CEP63: variants seen among roughly 807,000 people sequenced by gnomAD.
CEP63 encodes the protein centrosomal protein 63, also known as centrosomal protein of 63 kDa.
In CEP63, 84 loss-of-function variants were observed where a neutral mutation model predicts 89.1. The observed-to-expected ratio is 0.94, with a 90% CI of 0.79 to 1.13. The LOEUF (loss-of-function observed/expected upper bound fraction) is 1.13. CEP63 is among the 50% of genes most tolerant of loss of function. The pLI is 0.00. For missense variants in CEP63, 838 were observed against 813.3 expected (o/e 1.03, Z -0.37); for synonymous variants, 267 against 272.5 (o/e 0.98, Z 0.20).
chr3:134,727,438 G>A, the CEP63 span, among the ~76,000 whole-genome samples: 1 of 152,182 alleles, frequency 6.6e-6, no homozygotes, highest in African/African-American at 2.4e-5. Context: ...CCAGATCTGG[G>A]TGACTTTGAC....
chr3:134,734,250 A>G, the CEP63 span, among the ~76,000 whole-genome samples: 1 of 152,220 alleles, frequency 6.6e-6, no homozygotes, highest in East Asian at 1.9e-4. Flanking sequence ...GTGAATGGTT[A>G]AACATACTGT....
chr3:134,655,582 A>G, the CEP63 span, among the ~76,000 whole-genome samples: 2 of 152,114 alleles, frequency 1.3e-5, no homozygotes, highest in African/African-American at 4.8e-5. Context: ...AGCAGGGGAC[A>G]CCCAACCCTT....
intron 1 of CEP63, among the ~76,000 whole-genome samples, chr3:134,487,487 T>A (rs1425472065): frequency 6.6e-6 from 1 of 152,220 alleles, no homozygotes; most frequent in African/African-American, 2.4e-5. Flanking sequence ...GACCTTTGCT[T>A]AGTCCTTTCT....
chr3:134,500,658 T>C (rs1374290797), intron 2 of CEP63, among the ~76,000 whole-genome samples: 1 of 152,148 alleles, frequency 6.6e-6, no homozygotes, highest in African/African-American at 2.4e-5. Flanking sequence ...GTATCTCATT[T>C]TGGTTTTGAT....
rs551976358 is a variant in CEP63, at chr3:134,559,308, C to T, written c.1832C>T (p.Ser611Phe). 122 of 1,614,170 alleles carry T rather than the reference C, an allele frequency of 7.6e-5. 2 individuals are homozygous for T. Among genetic ancestry groups the T allele is most frequent in the South Asian group, 7.1e-4 (65 of 91,080 alleles). Residue 611 changes from serine (S) to phenylalanine (F), a missense_variant, in exon 14 of 15, where the codon TCT becomes TTT. Ser to Phe is a radical substitution (Grantham distance 155). Coordinates refer to ENST00000675561, the MANE Select transcript of CEP63 (RefSeq NM_001353108.3). ...PQISPCSSTRSLTSYSLCKTH... is the reference protein window; with the variant it reads ...PQISPCSSTRFLTSYSLCKTH... ...ATCAGCCCTTGCAGCTCCACCAGGT[C>T]TTTGACTTCCTACTCTCTATGTAAA... is the stretch of plus-strand genomic sequence containing the variant.
chr3:134,559,894 A>G (rs112577199), intron 14 of CEP63, among the ~76,000 whole-genome samples: 179 of 152,334 alleles, frequency 1.2e-3, no homozygotes, highest in African/African-American at 4.1e-3. Flanking sequence ...TCAGGGCAGA[A>G]TGTGCCTTGG....
At chr3:134,622,230 G>A in the CEP63 span, among the ~76,000 whole-genome samples, 3 of 152,138 alleles carry the variant, frequency 2.0e-5, no homozygotes, top group Admixed American at 6.5e-5. Flanking sequence ...CAAAAAAACC[G>A]AAGGCAGAGA....
At chr3:134,619,074 A>C in the CEP63 span, 1 of 1,264,252 alleles carries the variant, frequency 7.9e-7, no homozygotes, top group East Asian at 2.3e-5. Context: ...GCATGTGGGC[A>C]AAGGCACATG....
chr3:134,693,693 C>G, the CEP63 span, among the ~76,000 whole-genome samples: 97 of 152,296 alleles, frequency 6.4e-4, 1 homozygote, highest in African/African-American at 2.3e-3. Context: ...TTTGGGCTGG[C>G]TTCGGAGGCT....
At chr3:134,723,915 TA>T in the CEP63 span, among the ~76,000 whole-genome samples, 2 of 152,218 alleles carry the variant, frequency 1.3e-5, no homozygotes, top group Non-Finnish European at 1.5e-5. Flanking sequence ...ATGAAGTCAC[TA>T]CAATAATTGA....
chr3:134,761,244 T>G, the CEP63 span, among the ~76,000 whole-genome samples: 1 of 152,244 alleles, frequency 6.6e-6, no homozygotes, highest in Non-Finnish European at 1.5e-5. Flanking sequence ...TCTGCCCATT[T>G]GTTCTCCCAA....
the CEP63 span, among the ~76,000 whole-genome samples, chr3:134,774,333 C>T: frequency 6.6e-6 from 1 of 152,178 alleles, no homozygotes; most frequent in East Asian, 1.9e-4. Flanking sequence ...ACTTAGCACA[C>T]AAACTTAATT....
chr3:134,767,788 G>C, the CEP63 span, among the ~76,000 whole-genome samples: 7 of 152,192 alleles, frequency 4.6e-5, no homozygotes, highest in East Asian at 9.6e-4. Context: ...TGCTGTGCCA[G>C]GTGCCATGCT....
the CEP63 span, chr3:134,643,201 G>A: frequency 1.1e-6 from 1 of 936,062 alleles, no homozygotes; most frequent in Non-Finnish European, 1.7e-6. Flanking sequence ...CATGGGAGCA[G>A]AGAGGACCCT....
At chr3:134,708,244 C>G in the CEP63 span, among the ~76,000 whole-genome samples, 1 of 152,210 alleles carries the variant, frequency 6.6e-6, no homozygotes, top group South Asian at 2.1e-4. Context: ...AATCCATTTG[C>G]CATCTTTGCA....
chr3:134,506,918 CAAAA>C (rs1229943667), intron 2 of CEP63, among the ~76,000 whole-genome samples, 187 bp from the exon 3 acceptor site: 147 of 24,240 alleles, frequency 6.1e-3, no homozygotes, highest in African/African-American at 0.02. Context: ...AACTCCATCT[CAAAA>C]AAAAAAAAAA....
At chr3:134,647,647 G>A in the CEP63 span, 3 of 581,374 alleles carry the variant, frequency 5.2e-6, no homozygotes, top group South Asian at 2.3e-5. Context: ...TGCCCTTGAG[G>A]GAATGAATGC....
chr3:134,734,765 G>C, the CEP63 span, among the ~76,000 whole-genome samples: 1 of 152,124 alleles, frequency 6.6e-6, no homozygotes, highest in South Asian at 2.1e-4. Context: ...CTGAAATAGT[G>C]AATACTGAAC....
At chr3:134,544,955 C>T (rs1389126357) in intron 6 of CEP63, among the ~76,000 whole-genome samples, 2 of 152,092 alleles carry the variant, frequency 1.3e-5, no homozygotes, top group Non-Finnish European at 2.9e-5. Context: ...TCATGTGATC[C>T]TCCCATGCCA....
Sources: gnomAD v4.1 joint callset for allele counts (sites outside exome capture counted in the v4.1 genomes callset) on GRCh38, gnomAD v4.1.1 for gene constraint, MANE v1.5 for transcripts, NCBI Gene and HGNC (gene_info 2026-07-23, HGNC 2026-07-21) for gene names.